SCMH1: variants seen among roughly 807,000 people sequenced by gnomAD.
SCMH1 encodes the protein Scm polycomb group protein homolog 1.
SCMH1 carries 37 observed loss-of-function variants against 70.8 expected under a neutral mutation model. The ratio of observed to expected loss-of-function variants is 0.52; its 90% confidence interval spans 0.40 to 0.69. The LOEUF is 0.69. Ranked by LOEUF, SCMH1 falls within the 30% of genes least tolerant of loss-of-function variation. SCMH1 has a pLI of 0.00. For synonymous variants in SCMH1, 292 were observed against 307.4 expected, an observed-to-expected ratio of 0.95 and a Z score of 0.52; for missense variants, 607 against 827.3, an observed-to-expected ratio of 0.73 and a Z score of 3.27.
chr1:41,040,175 C>T (rs904460762), intron 12 of SCMH1, among the ~76,000 whole-genome samples: 1 of 152,102 alleles, frequency 6.6e-6, no homozygotes, highest in African/African-American at 2.4e-5. Flanking sequence ...ATGGGAGCAA[C>T]TGGGATCAAA....
chr1:41,062,918 C>A (rs375271848), intron 10 of SCMH1, among the ~76,000 whole-genome samples: 1,989 of 109,530 alleles, frequency 0.018, no homozygotes, highest in South Asian at 0.019. Flanking sequence ...GACTCCATCT[C>A]AAAAAAAAAA....
At chr1:41,097,531 C>T (rs993444193) in intron 8 of SCMH1, among the ~76,000 whole-genome samples, 5 of 152,120 alleles carry the variant, frequency 3.3e-5, no homozygotes, top group Admixed American at 6.6e-5. Context: ...TGCAGTGGCA[C>T]GATCATAGTT....
At chr1:41,095,953 T>C (rs749124242) in intron 8 of SCMH1, among the ~76,000 whole-genome samples, 3 of 152,068 alleles carry the variant, frequency 2.0e-5, no homozygotes, top group Non-Finnish European at 4.4e-5. Context: ...CAGAACAAGA[T>C]AGATAATATT....
At chr1:41,220,650 T>C (rs1659067268) in intron 1 of SCMH1, among the ~76,000 whole-genome samples, 2 of 152,246 alleles carry the variant, frequency 1.3e-5, no homozygotes, top group South Asian at 4.1e-4. Flanking sequence ...TTCTACATGC[T>C]AGGCCAATGC....
chr1:41,154,040 T>C (rs1645301912), intron 4 of SCMH1, among the ~76,000 whole-genome samples: 2 of 152,230 alleles, frequency 1.3e-5, no homozygotes, highest in Non-Finnish European at 2.9e-5. Context: ...CCACAGACAG[T>C]ATGTGTGCCT....
rs1468774461 is a variant in SCMH1 at position 41,050,493 on chromosome 1, A to C, written c.1106-1603T>G. 2.6e-5 allele frequency among the ~76,000 whole-genome samples: 4 copies of C among 152,216 alleles called. No individual in the cohort carries two copies. The East Asian group carries it at 7.7e-4, about 29-fold the overall frequency. On this transcript the variant is annotated intron_variant, in intron 10 of 14. Transcript: ENST00000337495. ...GAGGATTCTCCACCTTCATAATTCT[A>C]ATTCTAAGGAGAACCAACATGGACG...
chr1:41,099,141 C>A (rs1006788470), intron 8 of SCMH1: 3 of 225,898 alleles, frequency 1.3e-5, no homozygotes, highest in African/African-American at 4.6e-5. Context: ...TAAAGTGAGT[C>A]CAGCTGGCTA....
At chr1:41,062,198 T>C (rs1166259801) in intron 10 of SCMH1, among the ~76,000 whole-genome samples, 1 of 152,090 alleles carries the variant, frequency 6.6e-6, no homozygotes, top group Non-Finnish European at 1.5e-5. Flanking sequence ...TCACACAATG[T>C]CTTCTTTCAG....
chr1:41,139,877 T>C (rs1184927823), intron 6 of SCMH1, among the ~76,000 whole-genome samples: 1 of 152,146 alleles, frequency 6.6e-6, no homozygotes, highest in South Asian at 2.1e-4. Context: ...CAGAATTATA[T>C]ATAATAATGT....
intron 11 of SCMH1, 125 bp downstream of exon 11, chr1:41,048,565 A>C (rs1242389783): frequency 1.2e-6 from 1 of 837,662 alleles, no homozygotes; most frequent in African/African-American, 1.7e-5. Context: ...GAGGAATGGA[A>C]TACCTTCACA....
Position 41,039,150 on chromosome 1 carries a change from T to C in SCMH1, c.1499-1609A>G, listed in dbSNP as rs184192479. On this transcript the variant is annotated intron_variant, in intron 12 of 14. Coordinates refer to ENST00000337495, the Ensembl canonical transcript of SCMH1. ...TAACCTCACTCTTCTAGTTCTCATT[T>C]TATTCAGCTAAGACTGGGGATAGTA... Among the ~76,000 whole-genome samples, 16 of 152,360 alleles carry C rather than the reference T, an allele frequency of 1.1e-4. No homozygotes were observed. In the East Asian group the frequency reaches 2.7e-3, roughly 26 times the overall value.
chr1:41,210,896 G>A (rs537394699), intron 1 of SCMH1, among the ~76,000 whole-genome samples: 12 of 151,070 alleles, frequency 7.9e-5, no homozygotes, highest in Admixed American at 2.0e-4. Flanking sequence ...TGCAACCTCC[G>A]CCTCCCTGGC....
At chr1:41,195,122 A>ACT (rs1260644834) in intron 1 of SCMH1, among the ~76,000 whole-genome samples, 10 of 121,404 alleles carry the variant, frequency 8.2e-5, no homozygotes, top group African/African-American at 3.0e-4. Flanking sequence ...CAAGATTGAA[A>ACT]CTCTCTCTCA....
chr1:41,083,300 C>A (rs556204344), intron 8 of SCMH1, among the ~76,000 whole-genome samples: 3 of 152,106 alleles, frequency 2.0e-5, no homozygotes, highest in African/African-American at 7.2e-5. Context: ...AATCAATGTA[C>A]AAAAATCACA....
chr1:41,116,896 C>G (rs765019776), intron 7 of SCMH1, 26 bp downstream of exon 7: 1 of 1,573,450 alleles, frequency 6.4e-7, no homozygotes, highest in East Asian at 2.3e-5. Context: ...CAGCCTGGAG[C>G]TGGTGATATC....
intron 5 of SCMH1, 92 bp downstream of exon 5, chr1:41,151,522 G>C (rs1254566564): frequency 4.2e-6 from 4 of 961,816 alleles, no homozygotes. Context: ...CAGGTAAGAA[G>C]CCCAAGGGCT....
chr1:41,036,852 G>A (rs939378206), intron 13 of SCMH1, among the ~76,000 whole-genome samples: 2 of 152,060 alleles, frequency 1.3e-5, no homozygotes, highest in African/African-American at 4.8e-5. Context: ...GCCCTGATAT[G>A]GCCATTTATA....
chr1:41,199,651 T>C (rs1342710693), intron 1 of SCMH1, among the ~76,000 whole-genome samples: 1 of 151,964 alleles, frequency 6.6e-6, no homozygotes, highest in Non-Finnish European at 1.5e-5. Context: ...TCACATGTAC[T>C]TGTTTATAAG....
At chr1:41,044,786 CAGAG>C (rs1031323818) in intron 12 of SCMH1, among the ~76,000 whole-genome samples, 14 of 151,990 alleles carry the variant, frequency 9.2e-5, no homozygotes, top group Admixed American at 3.9e-4. Context: ...GTGGCTGAAT[CAGAG>C]AGATGTAAAT....
Sources: gnomAD v4.1 joint callset for allele counts (sites outside exome capture counted in the v4.1 genomes callset) on GRCh38, gnomAD v4.1.1 for gene constraint, MANE v1.5 for transcripts, NCBI Gene and HGNC (gene_info 2026-07-23, HGNC 2026-07-21) for gene names.